Variants in TRPM2 observed in about 807,000 individuals in gnomAD.
TRPM2 encodes transient receptor potential cation channel subfamily M member 2.
In TRPM2, 161 loss-of-function variants were observed where a neutral mutation model predicts 174.0. That is an observed-to-expected ratio of 0.93 (90% CI 0.81 to 1.05). The LOEUF (loss-of-function observed/expected upper bound fraction) is 1.05, where lower values mean the gene tolerates loss of function less well. Ranked by LOEUF, TRPM2 falls within the 50% of genes least tolerant of loss-of-function variation. The pLI is 0.00. For synonymous variants in TRPM2, 954 were observed against 861.3 expected (o/e 1.11, Z -1.88); for missense variants, 2,057 against 2,038.0 (o/e 1.01, Z -0.18).
chr21:44,365,015 T>G (rs1267653599), intron 3 of TRPM2, among the ~76,000 whole-genome samples: 1 of 148,626 alleles, frequency 6.7e-6, no homozygotes, highest in African/African-American at 2.5e-5. Flanking sequence ...TTGACCAGCC[T>G]TTTGGAGGGT....
chr21:44,433,804 G>A (rs2051120819), intron 27 of TRPM2, among the ~76,000 whole-genome samples: 1 of 152,132 alleles, frequency 6.6e-6, no homozygotes, highest in Non-Finnish European at 1.5e-5. Flanking sequence ...CTACACACTG[G>A]GCATGTTCTG....
chr21:44,437,980 A>G (rs1422994433), intron 29 of TRPM2, among the ~76,000 whole-genome samples: 1 of 152,230 alleles, frequency 6.6e-6, no homozygotes, highest in Non-Finnish European at 1.5e-5. Context: ...ACTCAGCAAG[A>G]AGCTGTTGCA....
intron 9 of TRPM2, among the ~76,000 whole-genome samples, chr21:44,385,285 T>G (rs1263439700): frequency 6.6e-6 from 1 of 152,170 alleles, no homozygotes; most frequent in Non-Finnish European, 1.5e-5. Flanking sequence ...ATAAAAGCCA[T>G]ATATGAAAAA....
At chr21:44,404,810 TG>T (rs1461681603) in intron 16 of TRPM2, among the ~76,000 whole-genome samples, 1 of 147,250 alleles carries the variant, frequency 6.8e-6, no homozygotes, top group Non-Finnish European at 1.5e-5. Flanking sequence ...ATGACAGTGA[TG>T]GTGACAGCAA....
intron 22 of TRPM2, among the ~76,000 whole-genome samples, chr21:44,421,609 AAAAAAT>A (rs1028698474): frequency 6.6e-6 from 1 of 152,032 alleles, no homozygotes; most frequent in Non-Finnish European, 1.5e-5. Context: ...CCATCTCTAC[AAAAAAT>A]AAAAATAACA....
chr21:44,382,672 G>T, intron 8 of TRPM2, 46 bp from the exon 9 acceptor site: 1 of 1,580,594 alleles, frequency 6.3e-7, no homozygotes, highest in South Asian at 1.1e-5. Flanking sequence ...AGGAGGCAGG[G>T]GTTCAGGAGT....
In TRPM2 at chr21:44,366,645, T is replaced by G; in HGVS notation, c.424-109T>G. 2 of 1,460,530 alleles carry G rather than the reference T, an allele frequency of 1.4e-6. No homozygotes were observed. Among genetic ancestry groups the G allele is most frequent in the South Asian group, 2.4e-5 (2 of 83,706 alleles). 90.5% of individuals were successfully genotyped at this position (1,460,530 alleles called of 1,614,324 possible). A position where few individuals can be genotyped will look rare whatever the true frequency, so the allele number is the denominator to read the frequency against. On this transcript the variant is annotated intron_variant, in intron 3 of 31. Transcript: ENST00000397928. This position sits in a 1 kb window ranked among gnomAD's most constrained non-coding sequence, Gnocchi z 6.0. The stretch of plus-strand genomic sequence containing the variant: ...CTTTTCTGGGTCTGAGCCGGAAAGG[T>G]GTGCGGTGTCTGCCGCCCGCTGGGG...
At position 44,399,413 on chromosome 21, in the gene TRPM2, T is replaced by C. The variant is rs143988815; in HGVS notation, c.2180T>C (p.Met727Thr). 4.7e-4 allele frequency: 764 copies of C among 1,612,216 alleles called. No homozygotes were observed. Among genetic ancestry groups the C allele is most frequent in the Middle Eastern group, 1.3e-3 (8 of 6,078 alleles). ...CAGCTCGCCCTGGAGGCCAAGGACA[T>C]GAAGTTTGTGTCTCACGGGGGCATC... is the stretch of plus-strand genomic sequence containing the variant. Reference protein sequence around the residue: ...CLQLALEAKDMKFVSHGGIQA... With the variant: ...CLQLALEAKDTKFVSHGGIQA... Residue 727 changes from methionine to threonine, a missense_variant, in exon 14 of 32, where the codon ATG (methionine) becomes ACG (threonine). Transcript: ENST00000397928. This position sits in a 1 kb window ranked among gnomAD's most constrained non-coding sequence, Gnocchi z 4.6.
At chr21:44,411,019 G>A (rs1043717267) in intron 19 of TRPM2, among the ~76,000 whole-genome samples, 1 of 148,294 alleles carries the variant, frequency 6.7e-6, no homozygotes, top group Non-Finnish European at 1.5e-5. Flanking sequence ...AGTTTTGACC[G>A]CACTGTCTTG....
chr21:44,392,123 C>A (rs1400822224), intron 11 of TRPM2, among the ~76,000 whole-genome samples: 1 of 151,844 alleles, frequency 6.6e-6, no homozygotes, highest in African/African-American at 2.4e-5. Context: ...CGCCACCACA[C>A]CTGGCTAATT....
chr21:44,400,940 C>G lies in TRPM2; in HGVS notation c.2321+569C>G, dbSNP rs377102304. ...AGGGCTGGATGGAGGCTCAGGGTCTCCTGGGAGTCAGGGCAGATTCAAGAC... is the reference window on the plus strand; with the variant it reads ...AGGGCTGGATGGAGGCTCAGGGTCTGCTGGGAGTCAGGGCAGATTCAAGAC... On this transcript the variant is annotated intron_variant, in intron 15 of 31. Transcript: ENST00000397928. Among the ~76,000 whole-genome samples the G allele has an allele frequency of 1.0e-3, 158 of 152,284 alleles. 2 individuals carry two copies. The highest frequency in any genetic ancestry group is 3.6e-3 in the African/African-American group (148 of 41,544).
At position 44,378,990 on chromosome 21, in the gene TRPM2, C is replaced by G; in HGVS notation, c.1015-7C>G. On this transcript the variant is annotated splice_polypyrimidine_tract_variant and splice_region_variant and intron_variant, in intron 7 of 31. Coordinates refer to ENST00000397928, the MANE Select transcript of TRPM2 (RefSeq NM_003307.4). The stretch of plus-strand genomic sequence containing the variant: ...GTCCCGGGCTCACACCCCCACCTGC[C>G]TTGCAGACCATCGACAACGCCACCA... The G allele has an allele frequency of 6.2e-7, 1 of 1,602,696 alleles. No homozygotes were observed. The highest frequency in any genetic ancestry group is 8.5e-7 in the Non-Finnish European group (1 of 1,179,276).
rs1343738752 is a variant in TRPM2 at position 44,438,319 on chromosome 21, G to A, written c.4168-748G>A. Among the ~76,000 whole-genome samples the A allele has an allele frequency of 6.6e-6, 1 of 152,200 alleles. No homozygotes were observed. Among genetic ancestry groups the A allele is most frequent in the Non-Finnish European group, 1.5e-5 (1 of 68,038 alleles). ...ACTTTGGCCTCTCCATGCGGGGTGCGTGGAGTTGGGTTTGGGGGTCCCACT... is the reference window on the plus strand; with the variant it reads ...ACTTTGGCCTCTCCATGCGGGGTGCATGGAGTTGGGTTTGGGGGTCCCACT... On this transcript the variant is annotated intron_variant, in intron 29 of 31. Coordinates refer to ENST00000397928, the MANE Select transcript of TRPM2 (RefSeq NM_003307.4). This position sits in a 1 kb window ranked among gnomAD's most constrained non-coding sequence, Gnocchi z 5.9.
intron 5 of TRPM2, among the ~76,000 whole-genome samples, chr21:44,370,167 G>C (rs1034705609): frequency 2.0e-5 from 3 of 152,122 alleles, no homozygotes; most frequent in East Asian, 1.9e-4. Flanking sequence ...CACTCGCTGC[G>C]AGGGTTCCGC....
At chr21:44,435,347 T>TG in intron 28 of TRPM2, 130 bp downstream of exon 28, 2 of 929,500 alleles carry the variant, frequency 2.2e-6, no homozygotes, top group Non-Finnish European at 3.2e-6. Context: ...TGGTGCCTAC[T>TG]GGGGGGATGC....
rs757451691 is a variant in TRPM2 at position 44,406,740 on chromosome 21, C to T, written c.2937C>T (p.Phe979=). The change falls in exon 19 of 32, where the codon TTC becomes TTT. Residue 979 remains phenylalanine, a synonymous_variant. Coordinates refer to ENST00000397928, the MANE Select transcript of TRPM2 (RefSeq NM_003307.4). ...GAVYHSYLTI[F]GQIPGYIDGV... ...TCTACCACTCCTACCTCACCATCTTCGGGCAGATCCCGGGCTACATCGACG... is the reference window on the plus strand; with the variant it reads ...TCTACCACTCCTACCTCACCATCTTTGGGCAGATCCCGGGCTACATCGACG... 4.5e-5 allele frequency: 73 copies of T among 1,606,554 alleles called. No homozygotes were observed. Among genetic ancestry groups the T allele is most frequent in the African/African-American group, 6.7e-5 (5 of 74,720 alleles).
chr21:44,382,010 TAGTG>T (rs1318602692), intron 8 of TRPM2, among the ~76,000 whole-genome samples: 1 of 149,818 alleles, frequency 6.7e-6, no homozygotes, highest in Non-Finnish European at 1.5e-5. Context: ...GATAGATAGA[TAGTG>T]GGTGGGAGGT....
At chr21:44,408,802 C>A (rs566313370) in intron 19 of TRPM2, among the ~76,000 whole-genome samples, 2 of 151,802 alleles carry the variant, frequency 1.3e-5, no homozygotes, top group South Asian at 2.1e-4. Context: ...GGACTACAGG[C>A]GCACGCCACC....
chr21:44,374,162 C>T (rs931295038), intron 5 of TRPM2, among the ~76,000 whole-genome samples: 1 of 152,128 alleles, frequency 6.6e-6, no homozygotes. Context: ...AGGCATGTGC[C>T]ACCATACCCA....
Sources: allele counts gnomAD v4.1 joint callset (sites outside exome capture counted in the v4.1 genomes callset), GRCh38; gene constraint gnomAD v4.1.1; non-coding constraint Gnocchi (gnomAD v3.1); transcripts MANE v1.5; gene names NCBI Gene and HGNC (gene_info 2026-07-23, HGNC 2026-07-21).